The following CECR2 variants were observed in gnomAD, a reference collection of about 807,000 sequenced individuals.
CECR2 encodes the protein chromatin remodeling regulator CECR2.
CECR2 carries 30 observed loss-of-function variants against 154.5 expected under a neutral mutation model. That is an observed-to-expected ratio of 0.19 (90% CI 0.15 to 0.26). The LOEUF is 0.26. Among genes scored for constraint, CECR2 ranks in the 10% least tolerant of loss-of-function variants. CECR2 has a pLI of 1.00. For synonymous variants in CECR2, 725 were observed against 683.7 expected, an observed-to-expected ratio of 1.06 and a Z score of -0.94; for missense variants, 1,743 against 1,829.3, an observed-to-expected ratio of 0.95 and a Z score of 0.86.
At chr22:17,407,468 G>A (rs774092607) in intron 1 of CECR2, among the ~76,000 whole-genome samples, 50 of 152,224 alleles carry the variant, frequency 3.3e-4, no homozygotes, top group South Asian at 1.0e-3. Context: ...GGTGGCGGGC[G>A]CGTGTAATCC....
At chr22:17,512,595 C>G (rs576486678) in intron 8 of CECR2, among the ~76,000 whole-genome samples, 1 of 150,926 alleles carries the variant, frequency 6.6e-6, no homozygotes, top group Admixed American at 6.6e-5. Context: ...CCCAGCTACT[C>G]GGGAGGCTGA....
intron 1 of CECR2, among the ~76,000 whole-genome samples, chr22:17,463,030 A>T (rs2054968086): frequency 6.6e-6 from 1 of 152,256 alleles, no homozygotes; most frequent in African/African-American, 2.4e-5. Flanking sequence ...ACAGAAAATA[A>T]ATGCATATAA....
chr22:17,467,349 C>T (rs932655469), intron 1 of CECR2, among the ~76,000 whole-genome samples: 6 of 152,136 alleles, frequency 3.9e-5, no homozygotes, highest in African/African-American at 9.7e-5. Context: ...CTTTGAGGAA[C>T]GTATCTGTAG....
At chr22:17,385,071 TGAAGC>T (rs1292534916) in intron 1 of CECR2, among the ~76,000 whole-genome samples, 1 of 152,212 alleles carries the variant, frequency 6.6e-6, no homozygotes, top group South Asian at 2.1e-4. Context: ...TTCGTAGAAT[TGAAGC>T]GTAAGGGCCT....
rs147725124 is a variant in CECR2 at position 17,496,726 on chromosome 22, C to T, written c.222-677C>T. Among the ~76,000 whole-genome samples, 1,082 of 152,256 alleles carry T rather than the reference C, an allele frequency of 7.1e-3. 8 individuals carry two copies. Among genetic ancestry groups the T allele is most frequent in the Non-Finnish European group, 8.6e-3 (587 of 68,024 alleles). The stretch of plus-strand genomic sequence containing the variant: ...TTTCTCGCCACCTAAGTCATGAACC[C>T]AACTTTGTACTGTCTGAACCGCAGG... On this transcript the variant is annotated intron_variant, in intron 2 of 18. Coordinates refer to ENST00000262608, the MANE Select transcript of CECR2 (RefSeq NM_001290047.2).
intron 6 of CECR2, 34 bp from the exon 7 acceptor site, chr22:17,504,813 T>G: frequency 6.3e-7 from 1 of 1,574,956 alleles, no homozygotes; most frequent in Non-Finnish European, 8.7e-7. Flanking sequence ...CCTCATGGGA[T>G]CTCCTGTAGT....
chr22:17,528,207 A>C (rs1330191260), intron 9 of CECR2, among the ~76,000 whole-genome samples: 1 of 152,248 alleles, frequency 6.6e-6, no homozygotes, highest in African/African-American at 2.4e-5. Flanking sequence ...CTGATACACA[A>C]GGGAGTACTA....
intron 9 of CECR2, among the ~76,000 whole-genome samples, chr22:17,533,776 G>A (rs879858342): frequency 3.3e-5 from 5 of 151,816 alleles, no homozygotes; most frequent in Non-Finnish European, 5.9e-5. Flanking sequence ...GAGTGCAATG[G>A]TGTGATCTCG....
At chr22:17,450,288 T>G (rs2054747796) in intron 1 of CECR2, among the ~76,000 whole-genome samples, 1 of 152,178 alleles carries the variant, frequency 6.6e-6, no homozygotes, top group Non-Finnish European at 1.5e-5. Context: ...TTGTTGTTGT[T>G]TTAGATGGAG....
intron 7 of CECR2, among the ~76,000 whole-genome samples, chr22:17,506,066 C>T (rs972064312): frequency 6.6e-6 from 1 of 151,794 alleles, no homozygotes; most frequent in Non-Finnish European, 1.5e-5. Context: ...AGGCTTGTCC[C>T]AAACTCCTAG....
At chr22:17,402,417 T>A (rs919521818) in intron 1 of CECR2, among the ~76,000 whole-genome samples, 4 of 152,260 alleles carry the variant, frequency 2.6e-5, no homozygotes, top group Non-Finnish European at 5.9e-5. Flanking sequence ...AAGAGCCAGA[T>A]AATAAATATT....
chr22:17,505,710 G>C (rs2055830214), intron 7 of CECR2, among the ~76,000 whole-genome samples: 1 of 149,614 alleles, frequency 6.7e-6, no homozygotes, highest in Admixed American at 6.7e-5. Flanking sequence ...CTAATTTTTT[G>C]TGTTTTTAGT....
At chr22:17,435,608 C>G (rs1410472651) in intron 1 of CECR2, among the ~76,000 whole-genome samples, 1 of 149,744 alleles carries the variant, frequency 6.7e-6, no homozygotes, top group Admixed American at 6.7e-5. Flanking sequence ...TTTGTTTGGT[C>G]CAGTGAAAAT....
At chr22:17,430,268 G>A (rs1452531482) in intron 1 of CECR2, among the ~76,000 whole-genome samples, 5 of 152,100 alleles carry the variant, frequency 3.3e-5, no homozygotes, top group East Asian at 3.9e-4. Context: ...ACCTATACCC[G>A]CATTTGTTTA....
upstream of CECR2, among the ~76,000 whole-genome samples, chr22:17,367,787 C>CG (rs1489270253): frequency 3.9e-5 from 6 of 152,186 alleles, no homozygotes; most frequent in Non-Finnish European, 8.8e-5. Context: ...GTGACAATTC[C>CG]GGGGTGGCCT....
chr22:17,396,677 C>T (rs5747099), intron 1 of CECR2, among the ~76,000 whole-genome samples: 8 of 152,156 alleles, frequency 5.3e-5, no homozygotes, highest in Admixed American at 1.3e-4. Flanking sequence ...TTAAGCAGGG[C>T]TGAGTGATGT....
intron 1 of CECR2, among the ~76,000 whole-genome samples, chr22:17,445,019 C>T (rs1362173950): frequency 6.6e-6 from 1 of 152,198 alleles, no homozygotes; most frequent in East Asian, 1.9e-4. Flanking sequence ...TCTCAAACAG[C>T]TATAATTTTA....
Position 17,552,061 on chromosome 22 carries a change from C to G in CECR2, c.4308C>G (p.Ala1436=), listed in dbSNP as rs1312993086. The G allele has an allele frequency of 1.2e-6, 2 of 1,613,888 alleles. No homozygotes were observed. Among genetic ancestry groups the G allele is most frequent in the African/African-American group, 2.7e-5 (2 of 74,930 alleles). Residue 1436 remains alanine (A), a synonymous_variant, in exon 18 of 19, where the codon GCC becomes GCG. Coordinates refer to ENST00000262608, the MANE Select transcript of CECR2 (RefSeq NM_001290047.2). ...AGATGCACCCGGTCCAGTCGCAGGCCTCGTTCCCAAAGACCCCCACAGCAG... is the reference window on the plus strand; with the variant it reads ...AGATGCACCCGGTCCAGTCGCAGGCGTCGTTCCCAAAGACCCCCACAGCAG... The part of the protein sequence containing the change: ...GMQMHPVQSQ[A]SFPKTPTAAT...
intron 7 of CECR2, among the ~76,000 whole-genome samples, chr22:17,509,551 T>C (rs1242149604): frequency 6.6e-6 from 1 of 152,016 alleles, no homozygotes; most frequent in Non-Finnish European, 1.5e-5. Flanking sequence ...TCCCTCAGCC[T>C]CCTGAGTACC....
Sources: allele counts gnomAD v4.1 joint callset (sites outside exome capture counted in the v4.1 genomes callset), GRCh38; gene constraint gnomAD v4.1.1; transcripts MANE v1.5; gene names NCBI Gene and HGNC (gene_info 2026-07-23, HGNC 2026-07-21).